Variants in ARHGAP39 observed in about 807,000 individuals in gnomAD.
ARHGAP39 encodes Rho GTPase activating protein 39.
ARHGAP39 carries 44 observed loss-of-function variants against 106.9 expected under a neutral mutation model. The ratio of observed to expected loss-of-function variants is 0.41; its 90% CI spans 0.32 to 0.53. The LOEUF (loss-of-function observed/expected upper bound fraction) is 0.53, where lower values mean the gene tolerates loss of function less well. ARHGAP39 is among the 20% of genes least tolerant of loss of function. ARHGAP39 has a pLI of 0.21. For synonymous variants in ARHGAP39, 768 were observed against 693.2 expected (o/e 1.11, Z -1.69); for missense variants, 1,496 against 1,577.3 (o/e 0.95, Z 0.87).
At chr8:144,595,701 G>C (rs1317883553) in intron 2 of ARHGAP39, among the ~76,000 whole-genome samples, 5 of 152,242 alleles carry the variant, frequency 3.3e-5, no homozygotes, top group Non-Finnish European at 7.4e-5. Context: ...GGCCACCAGG[G>C]TCCACGATGG....
rs1821464770 is a variant in ARHGAP39 at position 144,647,178 on chromosome 8, AG to A, written c.-82+38507del. 6.6e-6 allele frequency among the ~76,000 whole-genome samples: 1 copy of A among 151,942 alleles called. No homozygotes were observed. The highest frequency in any genetic ancestry group is 1.5e-5 in the Non-Finnish European group (1 of 67,988). On this transcript the variant is annotated intron_variant, in intron 1 of 11. Coordinates refer to ENST00000377307, the MANE Select transcript of ARHGAP39 (RefSeq NM_025251.3). The surrounding 1 kb of genome is among the most constrained non-coding windows in gnomAD (Gnocchi z 4.8). Reference sequence around the variant, plus strand: ...GAGACGGGGTTTCACCATGTTAGCCAGGATGGTCTTGATCTCTTGACCTCAT... The same window carrying A: ...GAGACGGGGTTTCACCATGTTAGCCAGATGGTCTTGATCTCTTGACCTCAT...
At chr8:144,656,652 C>T (rs1821705452) in intron 1 of ARHGAP39, among the ~76,000 whole-genome samples, 1 of 151,480 alleles carries the variant, frequency 6.6e-6, no homozygotes, top group Non-Finnish European at 1.5e-5. Context: ...ACTAAAAATA[C>T]AAAAAATTAG....
At chr8:144,589,530 G>A (rs1252738518) in intron 2 of ARHGAP39, among the ~76,000 whole-genome samples, 3 of 152,348 alleles carry the variant, frequency 2.0e-5, no homozygotes, top group African/African-American at 7.2e-5. Flanking sequence ...CCACGAGGCA[G>A]CTTTACCAAA....
chr8:144,590,762 C>G (rs59554340), intron 2 of ARHGAP39, among the ~76,000 whole-genome samples: 1 of 152,106 alleles, frequency 6.6e-6, no homozygotes, highest in Non-Finnish European at 1.5e-5. Context: ...CCCCCCACAA[C>G]CCAACCTGCT....
In ARHGAP39 at chr8:144,591,127, G is replaced by A. The variant is rs971918631; in HGVS notation, c.81-9850C>T. Among the ~76,000 whole-genome samples, 4 of 152,150 alleles carry A rather than the reference G, an allele frequency of 2.6e-5. No homozygotes were observed. The highest frequency in any genetic ancestry group is 5.9e-5 in the Non-Finnish European group (4 of 68,006). On this transcript the variant is annotated intron_variant, in intron 2 of 11. Coordinates refer to ENST00000377307, the MANE Select transcript of ARHGAP39 (RefSeq NM_025251.3). The surrounding 1 kb of genome is among the most constrained non-coding windows in gnomAD (Gnocchi z 5.3). ...CATGACCTCCTGGAGCCGGGTGGCT[G>A]CGCAGGCCTGGGGTGCAAGGCCAGA...
chr8:144,595,134 C>T (rs1330174122), intron 2 of ARHGAP39, among the ~76,000 whole-genome samples: 2 of 152,238 alleles, frequency 1.3e-5, no homozygotes, highest in Non-Finnish European at 2.9e-5. Flanking sequence ...ACACAGAAAT[C>T]TGCACACAAA....
chr8:144,548,591 G>C lies in ARHGAP39; in HGVS notation c.597-102C>G. ...AGGCAGCGGCTCCCGCGAACCCTCT[G>C]TTGTACACCTTCCTCGCTGGGGCCC... On this transcript the variant is annotated intron_variant, in intron 4 of 11. Transcript: ENST00000377307. This position sits in a 1 kb window ranked among gnomAD's most constrained non-coding sequence, Gnocchi z 7.4. The C allele has an allele frequency of 7.0e-7, 1 of 1,419,840 alleles. No homozygotes were observed. Among genetic ancestry groups the C allele is most frequent in the Non-Finnish European group, 9.3e-7 (1 of 1,072,340 alleles). 88.0% of individuals were successfully genotyped at this position (1,419,840 alleles called of 1,614,324 possible).
chr8:144,547,225 T>G lies in ARHGAP39; in HGVS notation c.1861A>C (p.Thr621Pro), dbSNP rs1387356567. ...TGGGGGAAGCCTAGCTTCTCGAAGG[T>G]GCCCCTCCTCCAGTGCCTGTTCTCC... ...QQENRHWRRG[T>P]FEKLGFPQIL... The change falls in exon 5 of 12, where the codon ACC (threonine) becomes CCC (proline). Residue 621 changes from threonine (T) to proline (P), a missense_variant. By Grantham distance (38) the Thr-to-Pro change is conservative (BLOSUM62 -1). Transcript: ENST00000377307. This position sits in a 1 kb window ranked among gnomAD's most constrained non-coding sequence, Gnocchi z 5.2. 2.5e-6 allele frequency: 4 copies of G among 1,612,540 alleles called. No homozygotes were observed. Among genetic ancestry groups the G allele is most frequent in the Non-Finnish European group, 3.4e-6 (4 of 1,179,770 alleles).
chr8:144,561,755 A>ATCCAGTGGTTTCCATCGGACTTAC (rs1818175929), intron 3 of ARHGAP39, among the ~76,000 whole-genome samples: 6 of 103,614 alleles, frequency 5.8e-5, no homozygotes, highest in East Asian at 5.4e-4. Flanking sequence ...ATCGGACTTA[A>ATCCAGTGGTTTCCATCGGACTTAC]TCCAGTGGTT....
chr8:144,613,855 TG>T (rs779437836), intron 1 of ARHGAP39, among the ~76,000 whole-genome samples: 3 of 152,254 alleles, frequency 2.0e-5, no homozygotes, highest in Non-Finnish European at 4.4e-5. Context: ...ACAATTCTTC[TG>T]TCCCTCCCTT....
intron 1 of ARHGAP39, among the ~76,000 whole-genome samples, chr8:144,642,244 G>A (rs1821330495): frequency 6.6e-6 from 1 of 152,186 alleles, no homozygotes; most frequent in African/African-American, 2.4e-5. Context: ...CCAGCAATTT[G>A]GGAGGCAGAG....
chr8:144,562,305 G>T (rs139106592), intron 3 of ARHGAP39, among the ~76,000 whole-genome samples: 19 of 61,468 alleles, frequency 3.1e-4, no homozygotes, highest in East Asian at 7.2e-4. Flanking sequence ...GTTTCCATCG[G>T]GCTCCAGTGG....
chr8:144,538,187 G>C (rs917352652), intron 6 of ARHGAP39, among the ~76,000 whole-genome samples: 2 of 152,236 alleles, frequency 1.3e-5, no homozygotes, highest in African/African-American at 4.8e-5. Flanking sequence ...CCTGCCTGCC[G>C]GTCAGAAAAC....
At chr8:144,664,971 A>G (rs539387955) in intron 1 of ARHGAP39, among the ~76,000 whole-genome samples, 1 of 152,340 alleles carries the variant, frequency 6.6e-6, no homozygotes, top group East Asian at 1.9e-4. Flanking sequence ...GGAGGGTTCA[A>G]AAGAAGACAG....
At chr8:144,659,219 G>A (rs1821766162) in intron 1 of ARHGAP39, among the ~76,000 whole-genome samples, 1 of 152,056 alleles carries the variant, frequency 6.6e-6, no homozygotes, top group Non-Finnish European at 1.5e-5. Context: ...CAAAATGACA[G>A]GCAGCTAGAT....
intron 1 of ARHGAP39, among the ~76,000 whole-genome samples, chr8:144,621,889 C>T (rs142456861): frequency 4.6e-5 from 7 of 152,346 alleles, no homozygotes; most frequent in African/African-American, 1.7e-4. Context: ...TTCAGGCAAA[C>T]AAGATGTGGT....
chr8:144,654,879 A>G (rs1337362502), intron 1 of ARHGAP39, among the ~76,000 whole-genome samples: 1 of 152,096 alleles, frequency 6.6e-6, no homozygotes, highest in Non-Finnish European at 1.5e-5. Flanking sequence ...GCAACCGCCC[A>G]AACCATGGCT....
At chr8:144,554,278 G>A (rs1018245935) in intron 4 of ARHGAP39, among the ~76,000 whole-genome samples, 2 of 152,212 alleles carry the variant, frequency 1.3e-5, no homozygotes, top group Admixed American at 1.3e-4. Flanking sequence ...TAGGTGTGAG[G>A]GGCAGGACGC....
chr8:144,606,328 CCT>C (rs985786676), intron 1 of ARHGAP39, among the ~76,000 whole-genome samples: 5 of 152,150 alleles, frequency 3.3e-5, no homozygotes, highest in East Asian at 1.9e-4. Flanking sequence ...CTCTGCCTCC[CCT>C]GAGACAGCAC....
Sources: allele counts gnomAD v4.1 joint callset (sites outside exome capture counted in the v4.1 genomes callset), GRCh38; gene constraint gnomAD v4.1.1; non-coding constraint Gnocchi (gnomAD v3.1); transcripts MANE v1.5; gene names NCBI Gene and HGNC (gene_info 2026-07-23, HGNC 2026-07-21).